The following TTC28 variants were observed in gnomAD, a reference collection of about 807,000 sequenced individuals.
The protein encoded by TTC28 is tetratricopeptide repeat protein 28.
Under a neutral mutation model 198.0 loss-of-function variants are expected in TTC28, and 61 were observed. The ratio of observed to expected loss-of-function variants is 0.31; its 90% CI spans 0.25 to 0.38. TTC28 has a LOEUF of 0.38. Among genes scored for constraint, TTC28 ranks in the 10% least tolerant of loss-of-function variants. TTC28 has a pLI of 1.00. For missense variants in TTC28, 2,678 were observed against 3,164.0 expected, an observed-to-expected ratio of 0.85 and a Z score of 3.69; for synonymous variants, 1,171 against 1,297.8, an observed-to-expected ratio of 0.90 and a Z score of 2.10.
chr22:28,615,475 T>C (rs930231428), intron 2 of TTC28, among the ~76,000 whole-genome samples: 3 of 152,222 alleles, frequency 2.0e-5, no homozygotes, highest in African/African-American at 7.2e-5. Context: ...TTATAAATCA[T>C]GCTGCTATAA....
At chr22:28,378,247 G>A (rs2046442133) in intron 2 of TTC28, among the ~76,000 whole-genome samples, 1 of 150,490 alleles carries the variant, frequency 6.6e-6, no homozygotes, top group African/African-American at 2.4e-5. Context: ...TTGGGAGGCT[G>A]AGGCATGAGA....
intron 2 of TTC28, among the ~76,000 whole-genome samples, chr22:28,526,128 G>C (rs1044682398): frequency 2.0e-5 from 3 of 152,160 alleles, no homozygotes; most frequent in African/African-American, 7.2e-5. Flanking sequence ...TACTAGCTCT[G>C]CTGTATGTCT....
At chr22:28,485,494 A>G (rs574356520) in intron 2 of TTC28, among the ~76,000 whole-genome samples, 1 of 152,150 alleles carries the variant, frequency 6.6e-6, no homozygotes, top group African/African-American at 2.4e-5. Flanking sequence ...AGTTGGCTTT[A>G]AATATATTCA....
intron 14 of TTC28, among the ~76,000 whole-genome samples, chr22:28,010,870 T>C (rs1222693887): frequency 2.0e-5 from 3 of 152,224 alleles, no homozygotes; most frequent in African/African-American, 2.4e-5. Flanking sequence ...CAAAATGCAA[T>C]GCTGCTTTGG....
intron 6 of TTC28, among the ~76,000 whole-genome samples, chr22:28,121,541 GT>G (rs1942787020): frequency 6.6e-6 from 1 of 152,188 alleles, no homozygotes; most frequent in Admixed American, 6.5e-5. Context: ...CTTTCTTTTA[GT>G]TTTTGTTGTT....
intron 5 of TTC28, among the ~76,000 whole-genome samples, chr22:28,276,520 A>G (rs1048978903): frequency 6.6e-6 from 1 of 152,220 alleles, no homozygotes; most frequent in African/African-American, 2.4e-5. Flanking sequence ...TATATACAGT[A>G]ACTATTAATA....
At chr22:28,542,996 T>C (rs897540349) in intron 2 of TTC28, among the ~76,000 whole-genome samples, 1 of 152,198 alleles carries the variant, frequency 6.6e-6, no homozygotes, top group African/African-American at 2.4e-5. Flanking sequence ...GAGAAATGTT[T>C]TGCACATTAC....
intron 2 of TTC28, among the ~76,000 whole-genome samples, chr22:28,342,066 A>G (rs2045840724): frequency 6.6e-6 from 1 of 152,222 alleles, no homozygotes; most frequent in East Asian, 1.9e-4. Context: ...CATGTTTAAA[A>G]CTCTGTAATA....
intron 2 of TTC28, among the ~76,000 whole-genome samples, chr22:28,578,502 A>C (rs564356798): frequency 1.7e-4 from 26 of 152,280 alleles, no homozygotes; most frequent in African/African-American, 6.3e-4. Flanking sequence ...AGAAACCTCC[A>C]GTGATCCACC....
At chr22:28,176,852 C>CA (rs544604161) in intron 5 of TTC28, among the ~76,000 whole-genome samples, 106 of 151,996 alleles carry the variant, frequency 7.0e-4, no homozygotes, top group Middle Eastern at 6.8e-3. Flanking sequence ...ACATCACATA[C>CA]AAAAAAATGA....
chr22:28,108,209 C>T lies in TTC28; in HGVS notation c.1636G>A (p.Glu546Lys). The T allele has an allele frequency of 6.4e-7, 1 of 1,551,448 alleles. No homozygotes were observed. The highest frequency in any genetic ancestry group is 1.2e-5 in the South Asian group (1 of 84,050). ...GCCTGTGAGGCGCGGTCATTCACTT[C>T]CATGGAGATCTGCAGCTCCTGCCGA... ...YHRQELQISM[E>K]VNDRASQAST... The change falls in exon 7 of 23, where the codon GAA (glutamate) becomes AAA (lysine). Residue 546 changes from glutamate to lysine, a missense_variant. Coordinates refer to ENST00000397906, the MANE Select transcript of TTC28 (RefSeq NM_001145418.2).
At chr22:28,283,082 C>T (rs903920663) in intron 5 of TTC28, among the ~76,000 whole-genome samples, 5 of 152,028 alleles carry the variant, frequency 3.3e-5, no homozygotes, top group Admixed American at 6.6e-5. Flanking sequence ...CTCCATTCTT[C>T]GCAAGCATTT....
intron 6 of TTC28, among the ~76,000 whole-genome samples, chr22:28,123,143 C>T (rs750975252): frequency 2.0e-5 from 3 of 152,190 alleles, no homozygotes; most frequent in East Asian, 3.8e-4. Flanking sequence ...AGATGAGAAA[C>T]GGAAGAACTT....
chr22:28,244,927 G>T (rs1296791520), intron 5 of TTC28, among the ~76,000 whole-genome samples: 1 of 152,142 alleles, frequency 6.6e-6, no homozygotes, highest in Non-Finnish European at 1.5e-5. Context: ...CATACACCTA[G>T]AAGGAGGTCT....
At chr22:28,198,291 T>C (rs1421057442) in intron 5 of TTC28, among the ~76,000 whole-genome samples, 2 of 152,190 alleles carry the variant, frequency 1.3e-5, no homozygotes, top group South Asian at 2.1e-4. Context: ...CCTCAAAATT[T>C]TGACAATCAA....
intron 2 of TTC28, among the ~76,000 whole-genome samples, chr22:28,385,446 CT>C (rs1569295989): frequency 1.3e-5 from 2 of 151,316 alleles, no homozygotes; most frequent in Admixed American, 1.3e-4. Context: ...TTTTAATATA[CT>C]TTTTTACAGT....
intron 12 of TTC28, among the ~76,000 whole-genome samples, chr22:28,088,341 C>A (rs1348916445): frequency 1.3e-5 from 2 of 152,010 alleles, no homozygotes; most frequent in Non-Finnish European, 2.9e-5. Context: ...CAGAACAGAG[C>A]CCTCAGAAAT....
At chr22:28,131,443 G>C (rs1039285788) in intron 6 of TTC28, among the ~76,000 whole-genome samples, 9 of 152,194 alleles carry the variant, frequency 5.9e-5, no homozygotes, top group African/African-American at 2.2e-4. Context: ...ACACACTTCT[G>C]TACACCGTAG....
intron 2 of TTC28, among the ~76,000 whole-genome samples, chr22:28,457,893 T>G (rs1302790318): frequency 2.6e-5 from 4 of 152,190 alleles, no homozygotes; most frequent in South Asian, 2.1e-4. Context: ...GCAGAATATA[T>G]GTCCATTTAT....
Sources: allele counts gnomAD v4.1 joint callset (sites outside exome capture counted in the v4.1 genomes callset), GRCh38; gene constraint gnomAD v4.1.1; transcripts MANE v1.5; gene names NCBI Gene and HGNC (gene_info 2026-07-23, HGNC 2026-07-21).